The following CHRNA5 variants were observed in gnomAD, a reference collection of about 807,000 sequenced individuals.
CHRNA5 encodes cholinergic receptor nicotinic alpha 5 subunit, also known as neuronal acetylcholine receptor subunit alpha-5.
In CHRNA5, 28 loss-of-function variants were observed where a neutral mutation model predicts 41.2. That is an observed-to-expected ratio of 0.68 (90% confidence interval 0.50 to 0.93). The LOEUF is 0.93. CHRNA5 is among the 40% of genes least tolerant of loss of function. CHRNA5 has a pLI of 0.00. For missense variants in CHRNA5, 481 were observed against 581.9 expected (o/e 0.83, Z 1.78); for synonymous variants, 188 against 205.8 (o/e 0.91, Z 0.74).
intron 1 of CHRNA5, among the ~76,000 whole-genome samples, chr15:78,574,029 G>A (rs2141402072): frequency 7.3e-6 from 1 of 136,846 alleles, no homozygotes; most frequent in East Asian, 2.1e-4. Context: ...TGGCCAGGAT[G>A]GTCTCAAACT....
chr15:78,584,643 A>G (rs1295681001), intron 2 of CHRNA5, among the ~76,000 whole-genome samples: 1 of 152,220 alleles, frequency 6.6e-6, no homozygotes, highest in Non-Finnish European at 1.5e-5. Context: ...AGCCCAATTT[A>G]TGTGTGTGTG....
chr15:78,587,257 A>T (rs2052969070), intron 3 of CHRNA5, among the ~76,000 whole-genome samples: 2 of 152,224 alleles, frequency 1.3e-5, no homozygotes, highest in Admixed American at 6.5e-5. Flanking sequence ...CAAGTTGTAT[A>T]GTACCTTAGA....
chr15:78,572,378 A>G (rs1038671203), intron 1 of CHRNA5, among the ~76,000 whole-genome samples: 4 of 152,236 alleles, frequency 2.6e-5, no homozygotes, highest in Non-Finnish European at 5.9e-5. Flanking sequence ...GAAAACTTAA[A>G]TAAAGTCTAA....
chr15:78,587,675 AATAG>A (rs2052973921), intron 3 of CHRNA5, among the ~76,000 whole-genome samples: 1 of 152,040 alleles, frequency 6.6e-6, no homozygotes, highest in Admixed American at 6.6e-5. Context: ...ATTTTTTTTT[AATAG>A]ATAGTCCCTT....
At chr15:78,569,499 T>C (rs375855170) in intron 1 of CHRNA5, among the ~76,000 whole-genome samples, 53 of 149,388 alleles carry the variant, frequency 3.5e-4, no homozygotes, top group African/African-American at 1.3e-3. Flanking sequence ...AGTGGTGCAA[T>C]CTCGGCTCAC....
intron 1 of CHRNA5, among the ~76,000 whole-genome samples, chr15:78,568,548 G>A (rs1346776481): frequency 3.3e-5 from 5 of 151,822 alleles, no homozygotes; most frequent in African/African-American, 1.2e-4. Flanking sequence ...CATGTGCCAT[G>A]GTGGTTTGCT....
chr15:78,589,352 G>A (rs2052989109), intron 4 of CHRNA5: 2 of 153,492 alleles, frequency 1.3e-5, no homozygotes, highest in South Asian at 4.1e-4. Context: ...CTGCTTTTCA[G>A]GGTCATGCCC....
intron 1 of CHRNA5, among the ~76,000 whole-genome samples, chr15:78,570,469 C>T (rs1232876947): frequency 1.7e-5 from 2 of 118,550 alleles, no homozygotes; most frequent in Non-Finnish European, 1.6e-5. Context: ...AGGGTTTCAC[C>T]ATGTTGGCCA....
chr15:78,578,945 A>C (rs2052883963), intron 1 of CHRNA5, among the ~76,000 whole-genome samples: 1 of 152,162 alleles, frequency 6.6e-6, no homozygotes, highest in African/African-American at 2.4e-5. Context: ...TTCTTCAGAG[A>C]TGCTTATTTG....
intron 1 of CHRNA5, among the ~76,000 whole-genome samples, chr15:78,570,308 G>A (rs1295791418): frequency 2.0e-5 from 3 of 151,704 alleles, no homozygotes; most frequent in Non-Finnish European, 4.4e-5. Context: ...ACCTAGGCTG[G>A]AGTGCAGTGG....
At chr15:78,580,951 T>C (rs533238214) in exon 2 of CHRNA5, 2 of 1,613,248 alleles carry the variant, frequency 1.2e-6, no homozygotes, top group Admixed American at 3.3e-5. Flanking sequence ...AATATCTCAA[T>C]TGGTGGATGT....
chr15:78,590,129 C>G lies in CHRNA5; in HGVS notation c.738C>G (p.Ile246Met), dbSNP rs150377720. Residue 246 changes from isoleucine to methionine, a missense_variant, in exon 5 of 6, where the codon ATC becomes ATG. By Grantham distance (10) the Ile-to-Met change is conservative. Transcript: ENST00000299565. Reference sequence around the variant, plus strand: ...CGTATGTCACTTACTCATTTGTAATCAAGCGCCTGCCTCTCTTTTATACCT... The same window carrying G: ...CGTATGTCACTTACTCATTTGTAATGAAGCGCCTGCCTCTCTTTTATACCT... The G allele has an allele frequency of 5.6e-6, 9 of 1,614,086 alleles. No homozygotes were observed. The African/African-American group carries it at 1.2e-4, about 22-fold the overall frequency.
intron 5 of CHRNA5, 52 bp from the exon 6 acceptor site, chr15:78,593,040 A>C: frequency 6.3e-7 from 1 of 1,577,422 alleles, no homozygotes; most frequent in Non-Finnish European, 8.6e-7. Flanking sequence ...ATATCTTAAA[A>C]TATGTACACA....
intron 1 of CHRNA5, among the ~76,000 whole-genome samples, chr15:78,577,386 A>G (rs1268933679): frequency 6.6e-6 from 1 of 152,206 alleles, no homozygotes; most frequent in African/African-American, 2.4e-5. Context: ...GTGCACTATC[A>G]AGGTTTTATG....
exon 6 of CHRNA5, chr15:78,593,158 G>A (rs367546696): frequency 1.2e-5 from 20 of 1,613,482 alleles, no homozygotes; most frequent in Non-Finnish European, 1.5e-5. Flanking sequence ...TTTTCTTTTC[G>A]TTTCAATTGT....
In CHRNA5 at chr15:78,568,715, T is replaced by C. The variant is rs559469211; in HGVS notation, c.106+2890T>C. Reference sequence around the variant, plus strand: ...ATTCTCATTGTTCAACTCCCACTTATGAAAGAGAACATGCGGTGTTTGGTG... The same window carrying C: ...ATTCTCATTGTTCAACTCCCACTTACGAAAGAGAACATGCGGTGTTTGGTG... On this transcript the variant is annotated intron_variant, in intron 1 of 5. Transcript: ENST00000299565. Among the ~76,000 whole-genome samples, 16 of 152,318 alleles carry C rather than the reference T, an allele frequency of 1.1e-4. No homozygotes were observed. The East Asian group carries it at 3.1e-3, about 29-fold the overall frequency.
chr15:78,580,150 G>T (rs2052897484), intron 1 of CHRNA5, among the ~76,000 whole-genome samples: 1 of 151,424 alleles, frequency 6.6e-6, no homozygotes, highest in Non-Finnish European at 1.5e-5. Context: ...CGTGGTGGTG[G>T]ATACCTGTAG....
At chr15:78,585,423 G>T (rs1399747030) in intron 2 of CHRNA5, among the ~76,000 whole-genome samples, 3 of 152,116 alleles carry the variant, frequency 2.0e-5, no homozygotes, top group Non-Finnish European at 4.4e-5. Context: ...GTCACCTCCA[G>T]TTACCTGAGG....
At position 78,570,820 on chromosome 15, in the gene CHRNA5, G is replaced by A. The variant is rs561715067; in HGVS notation, c.106+4995G>A. On this transcript the variant is annotated intron_variant, in intron 1 of 5. Coordinates refer to ENST00000299565, the Ensembl canonical transcript of CHRNA5. ...AGGATTTCTCAACCTCTGAAATTTT[G>A]TACTGGGTTATTCTTTGTTGTCAGA... Among the ~76,000 whole-genome samples, 20 of 152,204 alleles carry A rather than the reference G, an allele frequency of 1.3e-4. 1 individual carries two copies. In the South Asian group the frequency reaches 3.9e-3, roughly 30 times the overall value.
Sources: allele counts gnomAD v4.1 joint callset (sites outside exome capture counted in the v4.1 genomes callset), GRCh38; gene constraint gnomAD v4.1.1; transcripts MANE v1.5; gene names NCBI Gene and HGNC (gene_info 2026-07-23, HGNC 2026-07-21).